The following CEP128 variants were observed in gnomAD, a reference collection of about 807,000 sequenced individuals.
CEP128 encodes centrosomal protein 128.
CEP128 carries 132 observed loss-of-function variants against 156.7 expected under a neutral mutation model. That is an observed-to-expected ratio of 0.84 (90% CI 0.73 to 0.97). The LOEUF is 0.97. CEP128 is among the 50% of genes least tolerant of loss of function. The pLI is 0.00. For synonymous variants in CEP128, 469 were observed against 448.9 expected (o/e 1.04, Z -0.57); for missense variants, 1,252 against 1,281.9 (o/e 0.98, Z 0.36).
intron 20 of CEP128, among the ~76,000 whole-genome samples, chr14:80,566,800 G>A (rs909398284): frequency 1.3e-5 from 2 of 150,866 alleles, no homozygotes; most frequent in Non-Finnish European, 2.9e-5. Context: ...CTGCTTATGT[G>A]CCTTTTCAAA....
At chr14:80,738,364 A>C (rs1481400178) in intron 19 of CEP128, among the ~76,000 whole-genome samples, 4 of 152,346 alleles carry the variant, frequency 2.6e-5, no homozygotes, top group African/African-American at 9.6e-5. Context: ...TGAGCAGGGA[A>C]AAGCAGAAAA....
chr14:80,859,965 T>C (rs1032200245), intron 9 of CEP128, among the ~76,000 whole-genome samples: 1 of 152,190 alleles, frequency 6.6e-6, no homozygotes, highest in Non-Finnish European at 1.5e-5. Flanking sequence ...TTCATTAACA[T>C]TGAAAGATAC....
intron 19 of CEP128, among the ~76,000 whole-genome samples, chr14:80,737,457 G>A (rs542888017): frequency 6.6e-6 from 1 of 151,680 alleles, no homozygotes; most frequent in Admixed American, 6.6e-5. Flanking sequence ...AATAAAAGAA[G>A]GGGTAACTTC....
At chr14:80,930,601 GC>G (rs1171021242) in intron 2 of CEP128, among the ~76,000 whole-genome samples, 1 of 152,128 alleles carries the variant, frequency 6.6e-6, no homozygotes, top group African/African-American at 2.4e-5. Context: ...CAGGTGATTC[GC>G]CTTCTCCAAG....
intron 10 of CEP128, among the ~76,000 whole-genome samples, chr14:80,838,724 A>G (rs1046295344): frequency 6.6e-6 from 1 of 152,152 alleles, no homozygotes; most frequent in African/African-American, 2.4e-5. Flanking sequence ...GGACCCAATA[A>G]CTCAAAAGTT....
At chr14:80,549,078 T>A (rs1418589624) in intron 21 of CEP128, among the ~76,000 whole-genome samples, 3 of 152,194 alleles carry the variant, frequency 2.0e-5, no homozygotes, top group African/African-American at 4.8e-5. Flanking sequence ...TTGGAAAACG[T>A]ACATAGCTTA....
intron 22 of CEP128, chr14:80,527,234 G>C (rs1889016225): frequency 3.8e-6 from 2 of 522,102 alleles, no homozygotes; most frequent in African/African-American, 3.8e-5. Context: ...TTCGAGACCA[G>C]CCTGGGCAAC....
At chr14:80,671,862 T>G (rs1203663332) in intron 19 of CEP128, among the ~76,000 whole-genome samples, 1 of 108,184 alleles carries the variant, frequency 9.2e-6, no homozygotes, top group Non-Finnish European at 1.8e-5. Context: ...TTGGGTTTTT[T>G]GTGTATGGGG....
intron 2 of CEP128, among the ~76,000 whole-genome samples, chr14:80,927,843 C>T (rs1398702236): frequency 6.6e-6 from 1 of 152,148 alleles, no homozygotes; most frequent in Admixed American, 6.5e-5. Context: ...AATAAAACAA[C>T]AGGAAAATAA....
intron 16 of CEP128, among the ~76,000 whole-genome samples, chr14:80,777,581 C>T (rs1900862815): frequency 6.6e-6 from 1 of 152,178 alleles, no homozygotes; most frequent in African/African-American, 2.4e-5. Context: ...GCATAAATAT[C>T]TGACTTATAG....
chr14:80,710,388 TTATTTGCA>T (rs1566870437), intron 19 of CEP128, among the ~76,000 whole-genome samples: 1 of 152,100 alleles, frequency 6.6e-6, no homozygotes, highest in Non-Finnish European at 1.5e-5. Context: ...CAAAATATAT[TTATTTGCA>T]TCTACTTTGG....
chr14:80,517,819 G>A (rs1888559302), intron 23 of CEP128, among the ~76,000 whole-genome samples: 1 of 152,108 alleles, frequency 6.6e-6, no homozygotes, highest in African/African-American at 2.4e-5. Context: ...CTAGTGTTCA[G>A]CTTGATTAGG....
rs758501460 is a variant in CEP128, at chr14:80,497,495, T to A, written c.3269A>T (p.Glu1090Val). The change falls in exon 25 of 25, where the codon GAG becomes GTG. Residue 1090 changes from glutamate (E) to valine (V), a missense_variant. Glu to Val is a moderately radical substitution (Grantham distance 121, BLOSUM62 -2). Transcript: ENST00000555265. ...MNGTSSQPKK[E>V]EYGS Reference sequence around the variant, plus strand: ...TTTGCTTTTTTAGCTCCCATATTCCTCTTTTTTGGGTTGTGAACTTGTTCC... The same window carrying A: ...TTTGCTTTTTTAGCTCCCATATTCCACTTTTTTGGGTTGTGAACTTGTTCC... The A allele has an allele frequency of 1.9e-6, 3 of 1,610,792 alleles. No individual in the cohort carries two copies. The South Asian group carries it at 3.3e-5, about 18-fold the overall frequency.
At chr14:80,844,892 G>A (rs1264940528) in intron 9 of CEP128, among the ~76,000 whole-genome samples, 1 of 146,556 alleles carries the variant, frequency 6.8e-6, no homozygotes, top group Admixed American at 6.9e-5. Flanking sequence ...AAACTTCTTG[G>A]TTCCACTATG....
intron 13 of CEP128, among the ~76,000 whole-genome samples, chr14:80,828,127 T>TTC (rs1189875008): frequency 6.8e-6 from 1 of 147,426 alleles, no homozygotes; most frequent in African/African-American, 2.5e-5. Context: ...TTTTTTCTTT[T>TTC]TTTTTTTTTT....
chr14:80,927,715 G>A (rs1450133728), intron 2 of CEP128, among the ~76,000 whole-genome samples: 1 of 152,186 alleles, frequency 6.6e-6, no homozygotes, highest in African/African-American at 2.4e-5. Context: ...CATCTCTGTT[G>A]AGGCTGTGAC....
At chr14:80,813,121 C>T (rs1284537505) in intron 13 of CEP128, among the ~76,000 whole-genome samples, 1 of 152,026 alleles carries the variant, frequency 6.6e-6, no homozygotes, top group Admixed American at 6.6e-5. Flanking sequence ...GATATTAGAC[C>T]TTTGTCAGAT....
At chr14:80,706,213 C>T (rs1238660692) in intron 19 of CEP128, among the ~76,000 whole-genome samples, 1 of 152,012 alleles carries the variant, frequency 6.6e-6, no homozygotes, top group African/African-American at 2.4e-5. Flanking sequence ...GATTTTTAAT[C>T]TTAATCTACC....
chr14:80,580,471 G>A (rs779202483), intron 19 of CEP128, 48 bp from the exon 20 acceptor site: 1 of 1,176,810 alleles, frequency 8.5e-7, no homozygotes, highest in Non-Finnish European at 1.3e-6. Context: ...GTAAAAACGA[G>A]TTGCCTCTTA....
Sources: gnomAD v4.1 joint callset for allele counts (sites outside exome capture counted in the v4.1 genomes callset) on GRCh38, gnomAD v4.1.1 for gene constraint, MANE v1.5 for transcripts, NCBI Gene and HGNC (gene_info 2026-07-23, HGNC 2026-07-21) for gene names.